Variants in ABHD16A observed in about 807,000 individuals in gnomAD.
The protein encoded by ABHD16A is phosphatidylserine lipase ABHD16A.
A neutral mutation model predicts 89.8 loss-of-function variants in ABHD16A; 47 were observed. The ratio of observed to expected loss-of-function variants is 0.52; its 90% CI spans 0.41 to 0.67. ABHD16A has a LOEUF of 0.67. ABHD16A is among the 30% of genes least tolerant of loss of function. The pLI, the probability that ABHD16A is intolerant of heterozygous loss-of-function variation, is 0.00. For synonymous variants in ABHD16A, 251 were observed against 280.4 expected (o/e 0.90, Z 1.05); for missense variants, 580 against 734.6 (o/e 0.79, Z 2.43).
At position 31,693,758 on chromosome 6, in the gene ABHD16A, T is replaced by G. The variant is rs1435766133; in HGVS notation, c.430-326A>C. Among the ~76,000 whole-genome samples the G allele has an allele frequency of 6.6e-6, 1 of 151,966 alleles. No individual in the cohort carries two copies. Among genetic ancestry groups the G allele is most frequent in the Non-Finnish European group, 1.5e-5 (1 of 67,992 alleles). On this transcript the variant is annotated intron_variant, in intron 5 of 19. Transcript: ENST00000395952. This position sits in a 1 kb window ranked among gnomAD's most constrained non-coding sequence, Gnocchi z 5.0. ...GGTGCTAGTGCTTTTGAGTGACGGG[T>G]AGTAGGGGTCGCTGGCTGGTCACGG...
In ABHD16A at chr6:31,688,858, C is replaced by T. The variant is rs45480896; in HGVS notation, c.1187-72G>A. The T allele has an allele frequency of 4.6e-6, 7 of 1,528,202 alleles. No individual in the cohort carries two copies. Among genetic ancestry groups the T allele is most frequent in the Non-Finnish European group, 6.3e-6 (7 of 1,116,344 alleles). 94.7% of individuals were successfully genotyped at this position (1,528,202 alleles called of 1,614,324 possible). On this transcript the variant is annotated intron_variant, in intron 13 of 19. Coordinates refer to ENST00000395952, the MANE Select transcript of ABHD16A (RefSeq NM_021160.3). This position sits in a 1 kb window ranked among gnomAD's most constrained non-coding sequence, Gnocchi z 4.9. ...CCAACATAAAGGTCCTCACTATTCA[C>T]GGAGAAAGAAAACTGAGGCCCCCAG...
intron 2 of ABHD16A, among the ~76,000 whole-genome samples, chr6:31,701,626 AGT>A (rs1805014926): frequency 6.6e-6 from 1 of 152,164 alleles, no homozygotes; most frequent in African/African-American, 2.4e-5. Context: ...ATTTAAAGGC[AGT>A]CTCTCTGTCT....
chr6:31,690,209 AC>A lies in ABHD16A; in HGVS notation c.908-83del. 5.9e-6 allele frequency: 8 copies of A among 1,345,944 alleles called. No homozygotes were observed. Among genetic ancestry groups the A allele is most frequent in the South Asian group, 1.4e-5 (1 of 70,130 alleles). The allele number at this position is 1,345,944 out of a possible 1,614,324, so 83.4% of individuals were successfully genotyped here. On this transcript the variant is annotated intron_variant, in intron 10 of 19. Coordinates refer to ENST00000395952, the MANE Select transcript of ABHD16A (RefSeq NM_021160.3). This position sits in a 1 kb window ranked among gnomAD's most constrained non-coding sequence, Gnocchi z 4.1. ...CCCTGGGGGAAGGAAGAGCAGAAGT[AC>A]CCCCCAGCTTAGATGCAAATAACTC...
chr6:31,693,222 G>A lies in ABHD16A; in HGVS notation c.504-73C>T. 6.3e-7 allele frequency: 1 copy of A among 1,590,486 alleles called. No homozygotes were observed. On this transcript the variant is annotated intron_variant, in intron 6 of 19. Transcript: ENST00000395952. The surrounding 1 kb of genome is among the most constrained non-coding windows in gnomAD (Gnocchi z 5.0). ...CTGGATGTCTGAGGTCTGGAGAACA[G>A]TGGGGTCTAGGAACGACATAATGGC...
Position 31,703,216 on chromosome 6 carries a change from A to G in ABHD16A, c.66T>C (p.Ser22=). The change falls in exon 1 of 20, where the codon TCT becomes TCC. Residue 22 remains serine (S), a synonymous_variant. Transcript: ENST00000395952. ...CAGGGACGCTGGCCGGGGCCCTTTCAGAGTCCCTCTCCCGGTAGATTTTGT... is the reference window on the plus strand; with the variant it reads ...CAGGGACGCTGGCCGGGGCCCTTTCGGAGTCCCTCTCCCGGTAGATTTTGT... ...RLYKIYRERD[S]ERAPASVPET... is the part of the protein sequence containing the mutation. 1 of 1,446,064 alleles carries G rather than the reference A, an allele frequency of 6.9e-7. No individual in the cohort carries two copies. The highest frequency in any genetic ancestry group is 9.2e-7 in the Non-Finnish European group (1 of 1,090,138). The allele number at this position is 1,446,064 out of a possible 1,614,324, so 89.6% of individuals were successfully genotyped here.
At chr6:31,692,565 C>T (rs916590153) in intron 7 of ABHD16A, among the ~76,000 whole-genome samples, 1 of 152,212 alleles carries the variant, frequency 6.6e-6, no homozygotes, top group Non-Finnish European at 1.5e-5. Context: ...AGGAGCCCTT[C>T]AGAACATGTT....
rs1805214603 is a variant in ABHD16A, at chr6:31,703,300, T to C, written c.-19A>G. The C allele has an allele frequency of 2.2e-6, 3 of 1,341,174 alleles. No homozygotes were observed. Among genetic ancestry groups the C allele is most frequent in the Non-Finnish European group, 2.9e-6 (3 of 1,034,574 alleles). 83.1% of individuals were successfully genotyped at this position (1,341,174 alleles called of 1,614,324 possible). On this transcript the variant is annotated 5_prime_UTR_variant, in exon 1 of 20. Coordinates refer to ENST00000395952, the MANE Select transcript of ABHD16A (RefSeq NM_021160.3). Reference sequence around the variant, plus strand: ...TCGCCATGGCCCCGGCTCGGGCCGCTGCTCTTCCAGCAGCAGGTCCCCCTG... The same window carrying C: ...TCGCCATGGCCCCGGCTCGGGCCGCCGCTCTTCCAGCAGCAGGTCCCCCTG...
chr6:31,697,075 A>T lies in ABHD16A; in HGVS notation c.344-42T>A, dbSNP rs146969229. ...AGGAAACAGTGCTAGGAAAACTGGG[A>T]AGCAGAAAGCCTAGGTTTTAGGAAA... is the stretch of plus-strand genomic sequence containing the variant. On this transcript the variant is annotated intron_variant, in intron 4 of 19. Transcript: ENST00000395952. 4.4e-5 allele frequency: 68 copies of T among 1,552,880 alleles called. No homozygotes were observed. In the African/African-American group the frequency reaches 6.2e-4, roughly 14 times the overall value.
At chr6:31,702,850 G>A in intron 1 of ABHD16A, 2 of 1,376,214 alleles carry the variant, frequency 1.5e-6, no homozygotes, top group South Asian at 1.8e-5. Context: ...TCTCTTCCCG[G>A]GACTCAAGAC....
rs776429787 is a variant in ABHD16A at position 31,700,989 on chromosome 6, T to C, written c.296A>G (p.Tyr99Cys). The C allele has an allele frequency of 3.7e-6, 6 of 1,613,864 alleles. No homozygotes were observed. In the Admixed American group the frequency reaches 8.3e-5, roughly 22 times the overall value. The change falls in exon 4 of 20, where the codon TAT (tyrosine) becomes TGT (cysteine). Residue 99 changes from tyrosine (Y) to cysteine (C), a missense_variant. Physicochemically the swap from Tyr to Cys is radical, Grantham distance 194. Transcript: ENST00000395952. ...SLSKVVPFSH[Y>C]AGTLLLLLAG... is the part of the protein sequence containing the mutation. The stretch of plus-strand genomic sequence containing the variant: ...CAGAAGTAGCAGCAATGTCCCAGCA[T>C]AGTGAGAAAACGGCACCACTTTGGA...
Position 31,690,278 on chromosome 6 carries a change from G to T in ABHD16A, c.908-151C>A. On this transcript the variant is annotated intron_variant, in intron 10 of 19. Transcript: ENST00000395952. The surrounding 1 kb of genome is among the most constrained non-coding windows in gnomAD (Gnocchi z 4.1). ...AGGAGATGACACCAGAGGTTCTGAGGCAGCACAGGGAGCAGCATGTGATTG... is the reference window on the plus strand; with the variant it reads ...AGGAGATGACACCAGAGGTTCTGAGTCAGCACAGGGAGCAGCATGTGATTG... 1.3e-6 allele frequency: 1 copy of T among 751,936 alleles called. No homozygotes were observed. The highest frequency in any genetic ancestry group is 2.1e-6 in the Non-Finnish European group (1 of 466,874). 46.6% of individuals were successfully genotyped at this position (751,936 alleles called of 1,614,324 possible).
chr6:31,687,468 AC>A lies in ABHD16A; in HGVS notation c.1593+29del, dbSNP rs1803404932. On this transcript the variant is annotated intron_variant, in intron 19 of 19. Coordinates refer to ENST00000395952, the MANE Select transcript of ABHD16A (RefSeq NM_021160.3). The surrounding 1 kb of genome is among the most constrained non-coding windows in gnomAD (Gnocchi z 6.3). The stretch of plus-strand genomic sequence containing the variant: ...CTATGTGAGCCCTGGCCATTCAAGA[AC>A]CCTTCCCACTTCCCACTCCTTAGCT... 6.2e-7 allele frequency: 1 copy of A among 1,612,418 alleles called. No individual in the cohort carries two copies. The highest frequency in any genetic ancestry group is 1.7e-5 in the Admixed American group (1 of 59,946).
rs1221196465 is a variant in ABHD16A, at chr6:31,691,863, G to C, written c.682C>G (p.Leu228Val). 1 of 1,611,690 alleles carries C rather than the reference G, an allele frequency of 6.2e-7. No individual in the cohort carries two copies. The highest frequency in any genetic ancestry group is 8.5e-7 in the Non-Finnish European group (1 of 1,179,850). ...ACAGGCATGAGGGCCTTCTGCAGCA[G>C]GTACACAGAGCCTGGATACAGCATC... The part of the protein sequence containing the change: ...RRMLYPGSVY[L>V]LQKALMPVLL... The change falls in exon 8 of 20, where the codon CTG becomes GTG. Residue 228 changes from leucine (L) to valine (V), a missense_variant. Around this residue, in one of 2 missense-constraint regions of ABHD16A, gnomAD observed 415 missense variants for 568.8 expected, o/e 0.73. Transcript: ENST00000395952.
chr6:31,689,833 G>T, intron 11 of ABHD16A, 129 bp from the exon 12 acceptor site: 1 of 1,376,150 alleles, frequency 7.3e-7, no homozygotes, highest in South Asian at 1.5e-5. Flanking sequence ...GGGATGGTAG[G>T]AGAGGTTGTT....
chr6:31,696,797 A>T, intron 5 of ABHD16A, 151 bp downstream of exon 5: 1 of 701,864 alleles, frequency 1.4e-6, no homozygotes, highest in Admixed American at 2.5e-5. Flanking sequence ...GGAGGTGAGA[A>T]GGGATACAGC....
chr6:31,690,170 A>T lies in ABHD16A; in HGVS notation c.908-43T>A. The T allele has an allele frequency of 6.5e-7, 1 of 1,529,132 alleles. No individual in the cohort carries two copies. Among genetic ancestry groups the T allele is most frequent in the Non-Finnish European group, 8.8e-7 (1 of 1,133,490 alleles). 94.7% of individuals were successfully genotyped at this position (1,529,132 alleles called of 1,614,324 possible). A position where few individuals can be genotyped will look rare whatever the true frequency, so the allele number is the denominator to read the frequency against. ...GAGGGACTGAGACCTTGTGGCCCACAGCCCTTTCTCCATCCCTGGGGGAAG... is the reference window on the plus strand; with the variant it reads ...GAGGGACTGAGACCTTGTGGCCCACTGCCCTTTCTCCATCCCTGGGGGAAG... On this transcript the variant is annotated intron_variant, in intron 10 of 19. Transcript: ENST00000395952. The surrounding 1 kb of genome is among the most constrained non-coding windows in gnomAD (Gnocchi z 4.1).
chr6:31,696,896 T>G, intron 5 of ABHD16A, 52 bp downstream of exon 5: 4 of 1,539,568 alleles, frequency 2.6e-6, no homozygotes, highest in African/African-American at 1.4e-5. Flanking sequence ...GAGGGACAAC[T>G]GAGAAAGCTG....
In ABHD16A at chr6:31,687,703, C is replaced by A; in HGVS notation, c.1485G>T (p.Trp495Cys). The A allele has an allele frequency of 6.2e-7, 1 of 1,612,912 alleles. No individual in the cohort carries two copies. The highest frequency in any genetic ancestry group is 8.5e-7 in the Non-Finnish European group (1 of 1,179,934). The change falls in exon 18 of 20, where the codon TGG (tryptophan) becomes TGT (cysteine). Residue 495 changes from tryptophan to cysteine, a missense_variant. Physicochemically the swap from Trp to Cys is radical, Grantham distance 215 (BLOSUM62 -2). This residue lies in a region of ABHD16A where 415 missense variants were observed against 568.8 expected (regional missense o/e 0.73). Transcript: ENST00000395952. This position sits in a 1 kb window ranked among gnomAD's most constrained non-coding sequence, Gnocchi z 6.3. The stretch of plus-strand genomic sequence containing the variant: ...GGTAGGAGCGGAGGACAGACAGACA[C>A]CAGTCCTCTTCCACCTCCCATCGGC... ...IYSRWEVEED[W>C]CLSVLRSYQA...
At position 31,691,898 on chromosome 6, in the gene ABHD16A, AG is replaced by A; in HGVS notation, c.646del (p.Leu216Ter). 1 of 1,609,502 alleles carries A rather than the reference AG, an allele frequency of 6.2e-7. No homozygotes were observed. The highest frequency in any genetic ancestry group is 8.5e-7 in the Non-Finnish European group (1 of 1,178,956). Reference sequence around the variant, plus strand: ...GCCTGGATACAGCATCCGGCGCCCTAGGGTGTGCGCCACCAGGTAGCTGTGG... The same window carrying A: ...GCCTGGATACAGCATCCGGCGCCCTAGGTGTGCGCCACCAGGTAGCTGTGG... Reference protein sequence around the residue: ...QITSYLVAHTLGRRMLYPGSV... With the variant: ...QITSYLVAHTXGRRMLYPGSV... On this transcript the variant is annotated frameshift_variant, in exon 8 of 20. Coordinates refer to ENST00000395952, the MANE Select transcript of ABHD16A (RefSeq NM_021160.3). LOFTEE classifies it high-confidence loss of function.
Sources: allele counts gnomAD v4.1 joint callset (sites outside exome capture counted in the v4.1 genomes callset), GRCh38; gene constraint gnomAD v4.1.1; regional missense constraint gnomAD v4.1.1; non-coding constraint Gnocchi (gnomAD v3.1); transcripts MANE v1.5; gene names NCBI Gene and HGNC (gene_info 2026-07-23, HGNC 2026-07-21).